The following KDM3A variants were observed in gnomAD, a reference collection of about 807,000 sequenced individuals.
KDM3A encodes the protein lysine-specific demethylase 3A.
A neutral mutation model predicts 158.0 loss-of-function variants in KDM3A; 60 were observed. The observed-to-expected ratio is 0.38, with a 90% CI of 0.31 to 0.47. The LOEUF (loss-of-function observed/expected upper bound fraction) is 0.47. Ranked by LOEUF, KDM3A falls within the 20% of genes least tolerant of loss-of-function variation. The pLI is 0.99. For missense variants in KDM3A, 1,319 were observed against 1,574.3 expected (o/e 0.84, Z 2.74); for synonymous variants, 608 against 549.3 (o/e 1.11, Z -1.49).
intron 1 of KDM3A, among the ~76,000 whole-genome samples, chr2:86,441,813 G>T (rs1356065339): frequency 6.7e-6 from 1 of 150,178 alleles, no homozygotes; most frequent in South Asian, 2.1e-4. Context: ...TTGGGAGAGC[G>T]AGGGTCACGC....
intron 17 of KDM3A, 21 bp from the exon 18 acceptor site, chr2:86,482,437 T>C: frequency 6.2e-7 from 1 of 1,610,094 alleles, no homozygotes; most frequent in East Asian, 2.2e-5. Context: ...ATTTGAGACT[T>C]TTGTTCTTTC....
intron 11 of KDM3A, among the ~76,000 whole-genome samples, chr2:86,474,012 C>T (rs1673536770): frequency 6.6e-6 from 1 of 152,124 alleles, no homozygotes; most frequent in South Asian, 2.1e-4. Flanking sequence ...CTAGGGGTTA[C>T]CCTTCTTTAG....
In KDM3A at chr2:86,451,059, T is replaced by C. The variant is rs183597287; in HGVS notation, c.343-44T>C. ...TTGCCAGTTCCTATTTTCAGAATTA[T>C]GCTGACAGCAGTTATGATGCTAAAG... On this transcript the variant is annotated intron_variant, in intron 3 of 25. Coordinates refer to ENST00000312912, the MANE Select transcript of KDM3A (RefSeq NM_018433.6). The C allele has an allele frequency of 1.4e-5, 18 of 1,299,404 alleles. No individual in the cohort carries two copies. In the East Asian group the frequency reaches 2.6e-4, roughly 19 times the overall value. 80.5% of individuals were successfully genotyped at this position (1,299,404 alleles called of 1,614,324 possible).
chr2:86,459,213 G>T (rs1419517793), intron 8 of KDM3A, among the ~76,000 whole-genome samples: 1 of 152,136 alleles, frequency 6.6e-6, no homozygotes, highest in South Asian at 2.1e-4. Flanking sequence ...TGGTCTAGAA[G>T]GGAACAGATA....
chr2:86,443,589 G>T (rs1369263279), intron 2 of KDM3A: 1 of 152,182 alleles, frequency 6.6e-6, no homozygotes, highest in Non-Finnish European at 1.5e-5. Context: ...CCTGAGGGAC[G>T]TTAAGCATCT....
chr2:86,438,573 T>C (rs1307485961), upstream of KDM3A, among the ~76,000 whole-genome samples: 1 of 152,070 alleles, frequency 6.6e-6, no homozygotes, highest in Non-Finnish European at 1.5e-5. Context: ...TTCCACAATG[T>C]ATATCTATAC....
chr2:86,486,271 G>C (rs1371400700), intron 21 of KDM3A, among the ~76,000 whole-genome samples: 1 of 152,224 alleles, frequency 6.6e-6, no homozygotes, highest in Admixed American at 6.5e-5. Context: ...GCAGTGTTCT[G>C]TGTTGTTGAG....
In KDM3A at chr2:86,492,351, C is replaced by A; in HGVS notation, c.*232C>A. The A allele has an allele frequency of 2.2e-6, 1 of 450,998 alleles. No individual in the cohort carries two copies. The highest frequency in any genetic ancestry group is 3.5e-5 in the East Asian group (1 of 28,972). 27.9% of individuals were successfully genotyped at this position (450,998 alleles called of 1,614,324 possible). A position where few individuals can be genotyped will look rare whatever the true frequency, so the allele number is the denominator to read the frequency against. On this transcript the variant is annotated 3_prime_UTR_variant, in exon 26 of 26. Transcript: ENST00000312912. ...CTGTGACTTCTCACCTAGTGCAGAA[C>A]TTTTACCAGGCTGTAAAAGCAAAAC... is the stretch of plus-strand genomic sequence containing the variant.
chr2:86,443,501 T>C (rs543303356), intron 2 of KDM3A: 53 of 152,370 alleles, frequency 3.5e-4, no homozygotes, highest in African/African-American at 1.2e-3. Context: ...TTCACAACTA[T>C]GATCTCGTTT....
chr2:86,451,907 A>G (rs534908979), intron 4 of KDM3A, among the ~76,000 whole-genome samples: 6 of 152,244 alleles, frequency 3.9e-5, no homozygotes, highest in African/African-American at 1.4e-4. Flanking sequence ...ATATATGTGC[A>G]TGCATACATA....
At chr2:86,461,777 C>T (rs1324854555) in intron 8 of KDM3A, among the ~76,000 whole-genome samples, 1 of 151,996 alleles carries the variant, frequency 6.6e-6, no homozygotes, top group African/African-American at 2.4e-5. Flanking sequence ...CCACTGAAAA[C>T]GATGTAGCCA....
At chr2:86,455,651 A>T (rs1672658097) in intron 5 of KDM3A, among the ~76,000 whole-genome samples, 1 of 152,148 alleles carries the variant, frequency 6.6e-6, no homozygotes, top group Admixed American at 6.5e-5. Flanking sequence ...TATGAAACTA[A>T]CAGTAAAGTA....
In KDM3A at chr2:86,482,872, A is replaced by G. The variant is rs541846026; in HGVS notation, c.2922+178A>G. On this transcript the variant is annotated intron_variant, in intron 18 of 25. Coordinates refer to ENST00000312912, the MANE Select transcript of KDM3A (RefSeq NM_018433.6). ...GGCCATGGGTCTTACTTTTTAAAGCAGATGGTCCTAAGCTGGACTTTTCCA... is the reference window on the plus strand; with the variant it reads ...GGCCATGGGTCTTACTTTTTAAAGCGGATGGTCCTAAGCTGGACTTTTCCA... The G allele has an allele frequency of 6.3e-6, 4 of 634,472 alleles. No homozygotes were observed. The South Asian group carries it at 7.8e-5, about 12-fold the overall frequency. 39.3% of individuals were successfully genotyped at this position (634,472 alleles called of 1,614,324 possible). A position where few individuals can be genotyped will look rare whatever the true frequency, so the allele number is the denominator to read the frequency against.
In KDM3A at chr2:86,492,307, C is replaced by T. The variant is rs1674498235; in HGVS notation, c.*188C>T. 2 of 515,640 alleles carry T rather than the reference C, an allele frequency of 3.9e-6. No homozygotes were observed. Among genetic ancestry groups the T allele is most frequent in the Non-Finnish European group, 6.9e-6 (2 of 287,928 alleles). 31.9% of individuals were successfully genotyped at this position (515,640 alleles called of 1,614,324 possible). A position where few individuals can be genotyped will look rare whatever the true frequency, so the allele number is the denominator to read the frequency against. The stretch of plus-strand genomic sequence containing the variant: ...AATGTGTATATGTAGTAACTATTTA[C>T]AGAACATGCATCCTTAAACTGTGAC... On this transcript the variant is annotated 3_prime_UTR_variant, in exon 26 of 26. Transcript: ENST00000312912.
upstream of KDM3A, among the ~76,000 whole-genome samples, chr2:86,437,623 G>A (rs1225429470): frequency 1.3e-5 from 2 of 152,026 alleles, no homozygotes; most frequent in Admixed American, 6.6e-5. Context: ...TGTTTTGTTA[G>A]AGGAGAAATG....
chr2:86,464,178 C>A lies in KDM3A; in HGVS notation c.969C>A (p.Ala323=), dbSNP rs1312591745. The change falls in exon 9 of 26, where the codon GCC becomes GCA. Residue 323 remains alanine (A), a synonymous_variant. Transcript: ENST00000312912. ...DPRQQSTPQA[A]NSPPNLGAKI... ...GACAGCAAAGTACTCCCCAGGCTGC[C>A]AACTCTCCACCTAACCTTGGAGCAA... 4.3e-6 allele frequency: 7 copies of A among 1,610,686 alleles called. No individual in the cohort carries two copies. Among genetic ancestry groups the A allele is most frequent in the Non-Finnish European group, 5.9e-6 (7 of 1,177,884 alleles).
At chr2:86,450,641 C>G (rs946350210) in intron 3 of KDM3A, among the ~76,000 whole-genome samples, 2 of 152,018 alleles carry the variant, frequency 1.3e-5, no homozygotes, top group Non-Finnish European at 2.9e-5. Context: ...TTGGAAAGGC[C>G]GGGAGAATGG....
intron 5 of KDM3A, 70 bp from the exon 6 acceptor site, chr2:86,456,368 TTGTC>T (rs1672694535): frequency 1.9e-6 from 2 of 1,065,146 alleles, no homozygotes; most frequent in Non-Finnish European, 2.6e-6. Flanking sequence ...TAGGAAAAGA[TTGTC>T]CTGGATGATG....
chr2:86,465,262 A>G (rs560480758), intron 9 of KDM3A, among the ~76,000 whole-genome samples: 37 of 152,372 alleles, frequency 2.4e-4, no homozygotes, highest in African/African-American at 7.7e-4. Flanking sequence ...CAAGTAATCA[A>G]TCAGCTATTC....
Sources: allele counts gnomAD v4.1 joint callset (sites outside exome capture counted in the v4.1 genomes callset), GRCh38; gene constraint gnomAD v4.1.1; transcripts MANE v1.5; gene names NCBI Gene and HGNC (gene_info 2026-07-23, HGNC 2026-07-21).